Variants in LAMA3 observed in about 807,000 individuals in gnomAD.
LAMA3 encodes the protein laminin subunit alpha 3, also known as laminin subunit alpha-3.
Under a neutral mutation model 402.0 loss-of-function variants are expected in LAMA3, and 281 were observed. The ratio of observed to expected loss-of-function variants is 0.70; its 90% CI spans 0.63 to 0.77. LAMA3 has a LOEUF of 0.77. LAMA3 is among the 30% of genes least tolerant of loss of function. The pLI is 0.00. For missense variants in LAMA3, 3,840 were observed against 4,215.5 expected (o/e 0.91, Z 2.47); for synonymous variants, 1,431 against 1,558.4 (o/e 0.92, Z 1.93).
intron 73 of LAMA3, 89 bp downstream of exon 73, chr18:23,951,866 T>G: frequency 2.0e-6 from 2 of 1,005,688 alleles, no homozygotes; most frequent in South Asian, 2.7e-5. Context: ...CCTCAGCCCC[T>G]CCATCCACAG....
intron 27 of LAMA3, among the ~76,000 whole-genome samples, chr18:23,842,067 C>T (rs1338957847): frequency 1.5e-4 from 23 of 152,186 alleles, no homozygotes; most frequent in Admixed American, 1.4e-3. Flanking sequence ...ATGTGTTCAA[C>T]TTTGGTAAAT....
intron 42 of LAMA3, among the ~76,000 whole-genome samples, chr18:23,891,659 G>A (rs1015191882): frequency 6.6e-6 from 1 of 152,204 alleles, no homozygotes; most frequent in African/African-American, 2.4e-5. Context: ...CTGTAGTTGA[G>A]TGGAAAAAAT....
At position 23,903,165 on chromosome 18, in the gene LAMA3, T is replaced by C. The variant is rs1396295122; in HGVS notation, c.6318+40T>C. On this transcript the variant is annotated intron_variant, in intron 49 of 74. Coordinates refer to ENST00000313654, the MANE Select transcript of LAMA3 (RefSeq NM_198129.4). The stretch of plus-strand genomic sequence containing the variant: ...TGTTCTCTAGAAAAATCTAAAAACA[T>C]TTTAATTATATTGTGAGAAAACAAT... 3 of 1,230,434 alleles carry C rather than the reference T, an allele frequency of 2.4e-6. No homozygotes were observed. The African/African-American group carries it at 4.5e-5, about 18-fold the overall frequency. 76.2% of individuals were successfully genotyped at this position (1,230,434 alleles called of 1,614,324 possible).
chr18:23,800,291 C>A (rs375342818), intron 12 of LAMA3, among the ~76,000 whole-genome samples: 1 of 152,194 alleles, frequency 6.6e-6, no homozygotes, highest in Non-Finnish European at 1.5e-5. Flanking sequence ...GGGTGATGTT[C>A]GAGCTTCCCC....
chr18:23,930,034 T>C (rs1159649909), intron 64 of LAMA3, among the ~76,000 whole-genome samples: 1 of 152,104 alleles, frequency 6.6e-6, no homozygotes, highest in African/African-American at 2.4e-5. Flanking sequence ...ATATTGCCAA[T>C]TGAAAAAAAG....
At chr18:23,764,828 G>T (rs1568160541) in intron 8 of LAMA3, among the ~76,000 whole-genome samples, 1 of 152,102 alleles carries the variant, frequency 6.6e-6, no homozygotes, top group Non-Finnish European at 1.5e-5. Flanking sequence ...GATAATCAAT[G>T]GACAAGGAAA....
In LAMA3 at chr18:23,932,240, G is replaced by A. The variant is rs759770267; in HGVS notation, c.8657G>A (p.Arg2886His). ...ATTTCAAGTTCCCGGCAGTCTCTGC[G>A]TCTGGGCGGGAGCAATTTTGAGGGT... is the stretch of plus-strand genomic sequence containing the variant. ...KHISSSRQSL[R>H]LGGSNFEGCI... Residue 2886 changes from arginine (R) to histidine (H), a missense_variant, in exon 66 of 75, where the codon CGT becomes CAT. Arg to His is a conservative substitution (Grantham distance 29). Coordinates refer to ENST00000313654, the MANE Select transcript of LAMA3 (RefSeq NM_198129.4). 1.4e-5 allele frequency: 23 copies of A among 1,614,000 alleles called. No homozygotes were observed. The highest frequency in any genetic ancestry group is 6.6e-5 in the South Asian group (6 of 91,084).
At chr18:23,914,322 AG>A in intron 56 of LAMA3, 87 bp from the exon 57 acceptor site, 1 of 1,376,388 alleles carries the variant, frequency 7.3e-7, no homozygotes. Context: ...AAAACCCATT[AG>A]TTATTTGAAA....
chr18:23,860,490 C>T (rs1202551460), intron 34 of LAMA3, among the ~76,000 whole-genome samples: 1 of 151,858 alleles, frequency 6.6e-6, no homozygotes, highest in East Asian at 1.9e-4. Context: ...AACTCCTGGG[C>T]TCAAGCAGTC....
At position 23,899,375 on chromosome 18, in the gene LAMA3, G is replaced by C; in HGVS notation, c.5924G>C (p.Arg1975Pro). Residue 1975 changes from arginine (R) to proline (P), a missense_variant, in exon 47 of 75, where the codon CGC becomes CCC. This residue lies in a region of LAMA3 where 891 missense variants were observed against 857.5 expected (regional missense o/e 1.04). Transcript: ENST00000313654. ...TCCAGAGAGTGGGCTGAAGCCCAGC[G>C]CATGATGAGGGAACTGCGGAACAGG... ...DFSREWAEAQ[R>P]MMRELRNRNF... The C allele has an allele frequency of 6.2e-7, 1 of 1,614,056 alleles. No homozygotes were observed. Among genetic ancestry groups the C allele is most frequent in the Non-Finnish European group, 8.5e-7 (1 of 1,179,924 alleles).
chr18:23,813,237 T>G, intron 14 of LAMA3, 134 bp downstream of exon 14: 3 of 664,798 alleles, frequency 4.5e-6, no homozygotes, highest in South Asian at 3.5e-5. Flanking sequence ...GTCATTGTTG[T>G]TTTTCAAAGA....
chr18:23,831,171 C>G (rs1329708146), intron 23 of LAMA3, among the ~76,000 whole-genome samples: 1 of 152,232 alleles, frequency 6.6e-6, no homozygotes, highest in East Asian at 1.9e-4. Flanking sequence ...CACGTCTGCT[C>G]TGCCCATTGC....
chr18:23,701,822 G>A (rs1419941236), intron 1 of LAMA3, among the ~76,000 whole-genome samples: 1 of 152,226 alleles, frequency 6.6e-6, no homozygotes, highest in Non-Finnish European at 1.5e-5. Flanking sequence ...TCTGGGAGAA[G>A]CGTGTTCCTG....
chr18:23,946,121 C>T (rs767825166), intron 69 of LAMA3, 23 bp from the exon 70 acceptor site: 8 of 1,608,766 alleles, frequency 5.0e-6, no homozygotes, highest in Non-Finnish European at 6.0e-6. Flanking sequence ...AAATACAACT[C>T]ACGTATCTTT....
chr18:23,739,031 C>T (rs867333759), intron 2 of LAMA3, among the ~76,000 whole-genome samples: 4 of 152,190 alleles, frequency 2.6e-5, no homozygotes, highest in Non-Finnish European at 5.9e-5. Flanking sequence ...CCATGGCTTC[C>T]TCTCTGGCCT....
At chr18:23,786,155 A>G (rs1403575139) in intron 12 of LAMA3, among the ~76,000 whole-genome samples, 3 of 152,214 alleles carry the variant, frequency 2.0e-5, no homozygotes, top group Non-Finnish European at 1.5e-5. Flanking sequence ...AGAAAATTTG[A>G]ATCTAGGTAA....
chr18:23,855,280 C>T (rs912580482), intron 32 of LAMA3, among the ~76,000 whole-genome samples: 1 of 152,244 alleles, frequency 6.6e-6, no homozygotes, highest in African/African-American at 2.4e-5. Flanking sequence ...TCCCTCTGTG[C>T]GTGGTGTTCT....
At position 23,690,207 on chromosome 18, in the gene LAMA3, A is replaced by C. The variant is rs2960586; in HGVS notation, c.294+230A>C. Among the ~76,000 whole-genome samples, 87,219 of 152,046 alleles carry C rather than the reference A, an allele frequency of 0.57. 25,447 individuals are homozygous for C. Among genetic ancestry groups the C allele is most frequent in the Middle Eastern group, 0.65 (191 of 294 alleles). ...GAGGAGGGGGAGCACGCGAGGTGAC[A>C]TGAGGCTGTGGTCAGGTTCGGGCTG... On this transcript the variant is annotated intron_variant, in intron 1 of 74. Coordinates refer to ENST00000313654, the MANE Select transcript of LAMA3 (RefSeq NM_198129.4).
At chr18:23,915,601 A>T (rs2081583872) in intron 59 of LAMA3, among the ~76,000 whole-genome samples, 179 bp downstream of exon 59, 1 of 152,212 alleles carries the variant, frequency 6.6e-6, no homozygotes, top group African/African-American at 2.4e-5. Flanking sequence ...AAATCTAATT[A>T]TGGTAGTCTC....
Sources: gnomAD v4.1 joint callset for allele counts (sites outside exome capture counted in the v4.1 genomes callset) on GRCh38, gnomAD v4.1.1 for gene constraint, gnomAD v4.1.1 regional missense constraint, MANE v1.5 for transcripts, NCBI Gene and HGNC (gene_info 2026-07-23, HGNC 2026-07-21) for gene names.